Variants in LUC7L2 observed in about 807,000 individuals in gnomAD.
LUC7L2 encodes the protein putative RNA-binding protein Luc7-like 2.
LUC7L2 carries 25 observed loss-of-function variants against 52.8 expected under a neutral mutation model. The ratio of observed to expected loss-of-function variants is 0.47; its 90% CI spans 0.34 to 0.66. LUC7L2 has a LOEUF of 0.66. LUC7L2 is among the 30% of genes least tolerant of loss of function. The pLI, the probability that LUC7L2 is intolerant of heterozygous loss-of-function variation, is 0.01. For missense variants in LUC7L2, 328 were observed against 497.8 expected, an observed-to-expected ratio of 0.66 and a Z score of 3.25; for synonymous variants, 144 against 160.9, an observed-to-expected ratio of 0.89 and a Z score of 0.80.
intron 1 of LUC7L2, among the ~76,000 whole-genome samples, chr7:139,344,687 TTTTC>T (rs1272525412): frequency 1.5e-5 from 2 of 136,688 alleles, no homozygotes; most frequent in African/African-American, 3.2e-5. Flanking sequence ...AAGTTTTCAA[TTTTC>T]TTTCTTTTTT....
intron 8 of LUC7L2, among the ~76,000 whole-genome samples, chr7:139,414,726 G>A (rs1020921676): frequency 6.6e-6 from 1 of 152,100 alleles, no homozygotes. Context: ...CTTTGCATCT[G>A]TGTTCCCTCA....
chr7:139,390,215 G>GTCTCTCTC (rs5887929), intron 2 of LUC7L2, among the ~76,000 whole-genome samples: 38 of 148,824 alleles, frequency 2.6e-4, no homozygotes, highest in Admixed American at 1.2e-3. Context: ...CCAGTGCCCA[G>GTCTCTCTC]TCTCTCTCTC....
rs1377238818 is a variant in LUC7L2, at chr7:139,405,694, G to A, written c.417G>A (p.Lys139=). The change falls in exon 5 of 10, where the codon AAG becomes AAA. Residue 139 remains lysine, a synonymous_variant. Coordinates refer to ENST00000354926, the MANE Select transcript of LUC7L2 (RefSeq NM_016019.5). The part of the protein sequence containing the change: ...LNEEIGKLLA[K]VEQLGAEGNV... ...AAGAAATTGGTAAATTGTTAGCCAA[G>A]GTGGAACAACTAGGAGCTGAAGGGA... 1 of 1,612,866 alleles carries A rather than the reference G, an allele frequency of 6.2e-7. No homozygotes were observed. Among genetic ancestry groups the A allele is most frequent in the Non-Finnish European group, 8.5e-7 (1 of 1,179,534 alleles).
intron 2 of LUC7L2, among the ~76,000 whole-genome samples, chr7:139,396,498 C>T (rs555897889): frequency 2.6e-5 from 4 of 152,102 alleles, no homozygotes; most frequent in East Asian, 3.9e-4. Flanking sequence ...GGAGTCCCTT[C>T]GGGCCATAAT....
intron 1 of LUC7L2, chr7:139,345,980 G>T: frequency 4.6e-6 from 1 of 217,346 alleles, no homozygotes. Flanking sequence ...GCTCACGCCT[G>T]TAATCCCAGC....
At chr7:139,384,649 G>A (rs1037926081) in intron 2 of LUC7L2, among the ~76,000 whole-genome samples, 2 of 152,138 alleles carry the variant, frequency 1.3e-5, no homozygotes, top group Non-Finnish European at 2.9e-5. Context: ...GGCTTTAATC[G>A]TTTAAAACAT....
intron 1 of LUC7L2, among the ~76,000 whole-genome samples, chr7:139,373,605 A>G (rs1316015010): frequency 6.6e-6 from 1 of 151,660 alleles, no homozygotes; most frequent in South Asian, 2.1e-4. Flanking sequence ...ATTTTAAAAA[A>G]CACAAAAAAG....
intron 1 of LUC7L2, among the ~76,000 whole-genome samples, chr7:139,361,126 C>G (rs1409255583): frequency 1.3e-5 from 2 of 152,192 alleles, no homozygotes; most frequent in Non-Finnish European, 2.9e-5. Flanking sequence ...CTGGATTATC[C>G]TTTGTCATAA....
chr7:139,382,457 A>C (rs1198476069), intron 2 of LUC7L2, among the ~76,000 whole-genome samples: 1 of 152,112 alleles, frequency 6.6e-6, no homozygotes, highest in East Asian at 1.9e-4. Flanking sequence ...ATCTTAGCTC[A>C]CTGCAACCTC....
intron 8 of LUC7L2, among the ~76,000 whole-genome samples, chr7:139,413,957 GTTA>G (rs1231058059): frequency 6.6e-6 from 1 of 152,112 alleles, no homozygotes. Context: ...CTGTGATACT[GTTA>G]TTGTTTACTG....
intron 2 of LUC7L2, among the ~76,000 whole-genome samples, chr7:139,394,766 G>A (rs1030078200): frequency 6.6e-6 from 1 of 152,156 alleles, no homozygotes; most frequent in Admixed American, 6.5e-5. Flanking sequence ...AGGTAAGTTA[G>A]TACTGAAATA....
At chr7:139,354,910 G>A (rs1438954311), upstream of LUC7L2, among the ~76,000 whole-genome samples, 1 of 151,488 alleles carries the variant, frequency 6.6e-6, no homozygotes, top group Non-Finnish European at 1.5e-5. Context: ...AGGTTGGAGT[G>A]CAGTAGTAAG....
At chr7:139,395,458 AT>A in intron 2 of LUC7L2, among the ~76,000 whole-genome samples, 1 of 152,218 alleles carries the variant, frequency 6.6e-6, no homozygotes, top group Middle Eastern at 3.4e-3. Flanking sequence ...GCCTGGAAAA[AT>A]CTCAGCATGC....
intron 1 of LUC7L2, among the ~76,000 whole-genome samples, chr7:139,365,628 A>G (rs901597982): frequency 6.6e-6 from 1 of 152,156 alleles, no homozygotes; most frequent in Non-Finnish European, 1.5e-5. Context: ...ATGGTTTAAA[A>G]CTAAAGGTCA....
chr7:139,396,829 C>G (rs1313447677), intron 2 of LUC7L2, among the ~76,000 whole-genome samples: 1 of 152,108 alleles, frequency 6.6e-6, no homozygotes, highest in African/African-American at 2.4e-5. Flanking sequence ...CTCTTGACTA[C>G]TTACATTTTT....
intron 1 of LUC7L2, among the ~76,000 whole-genome samples, chr7:139,362,684 G>C (rs1209854664): frequency 6.6e-6 from 1 of 151,004 alleles, no homozygotes; most frequent in African/African-American, 2.4e-5. Context: ...TTTGGAAGTG[G>C]GGTTCAAGGT....
intron 1 of LUC7L2, among the ~76,000 whole-genome samples, chr7:139,370,089 G>A (rs1186736032): frequency 6.6e-6 from 1 of 152,124 alleles, no homozygotes; most frequent in East Asian, 1.9e-4. Flanking sequence ...CATAGATCAA[G>A]ACATATTAAA....
intron 2 of LUC7L2, among the ~76,000 whole-genome samples, chr7:139,389,554 ACCT>A (rs757304697): frequency 3.3e-5 from 5 of 152,036 alleles, no homozygotes; most frequent in Non-Finnish European, 5.9e-5. Context: ...TGTCCTAGAA[ACCT>A]CCTCATACAC....
At position 139,414,391 on chromosome 7, in the gene LUC7L2, A is replaced by T. The variant is rs930044402; in HGVS notation, c.809+1811A>T. Among the ~76,000 whole-genome samples the T allele has an allele frequency of 3.3e-5, 5 of 152,242 alleles. No individual in the cohort carries two copies. The East Asian group carries it at 9.6e-4, about 29-fold the overall frequency. On this transcript the variant is annotated intron_variant, in intron 8 of 9. Transcript: ENST00000354926. ...GGAAAAAAAATTGCAAAGAAATCTC[A>T]TAATATTTTAAGAAAGTTTACAAAT...
Sources: allele counts gnomAD v4.1 joint callset (sites outside exome capture counted in the v4.1 genomes callset), GRCh38; gene constraint gnomAD v4.1.1; transcripts MANE v1.5; gene names NCBI Gene and HGNC (gene_info 2026-07-23, HGNC 2026-07-21).